ADGRA1: variants seen among roughly 807,000 people sequenced by gnomAD.
ADGRA1 encodes G-protein coupled receptor 123.
ADGRA1 carries 12 observed loss-of-function variants against 21.3 expected under a neutral mutation model. That is an observed-to-expected ratio of 0.56 (90% CI 0.36 to 0.91). ADGRA1 has a LOEUF of 0.91. Among genes scored for constraint, ADGRA1 ranks in the 40% least tolerant of loss-of-function variants. The pLI is 0.01. For missense variants in ADGRA1, 790 were observed against 805.6 expected (o/e 0.98, Z 0.23); for synonymous variants, 385 against 368.8 (o/e 1.04, Z -0.50).
chr10:133,112,480 G>A (rs12359914), intron 5 of ADGRA1, among the ~76,000 whole-genome samples: 63,301 of 131,628 alleles, frequency 0.48, 14,264 homozygotes, highest in East Asian at 0.62. Flanking sequence ...TCTGCGGGCC[G>A]CGTCGGTTAT....
chr10:133,096,858 G>A (rs1395671821), intron 2 of ADGRA1, 116 bp from the exon 3 acceptor site: 9 of 1,315,930 alleles, frequency 6.8e-6, no homozygotes, highest in East Asian at 2.4e-5. Context: ...GACCCCACAC[G>A]AAAATGCCTG....
intron 4 of ADGRA1, among the ~76,000 whole-genome samples, chr10:133,101,184 G>A (rs374040559): frequency 4.3e-4 from 66 of 152,336 alleles, no homozygotes; most frequent in African/African-American, 1.5e-3. Flanking sequence ...TGGGCCAGTG[G>A]TGGCTGATCC....
chr10:133,094,029 C>T (rs1396798911), intron 2 of ADGRA1, among the ~76,000 whole-genome samples: 2 of 152,280 alleles, frequency 1.3e-5, no homozygotes, highest in African/African-American at 2.4e-5. Context: ...TGTTGACACA[C>T]GGATCATTGC....
At chr10:133,120,297 CG>C (rs772265132) in intron 5 of ADGRA1, among the ~76,000 whole-genome samples, 2 of 152,066 alleles carry the variant, frequency 1.3e-5, no homozygotes, top group Non-Finnish European at 2.9e-5. Context: ...CCCAGCTGCT[CG>C]GGAGGCTGAG....
In ADGRA1 at chr10:133,125,578, C is replaced by A. The variant is rs578225408; in HGVS notation, c.402-1655C>A. On this transcript the variant is annotated intron_variant, in intron 5 of 6. Transcript: ENST00000392607. ...AGCTGGGACTACAGGCGCCCGCCACCACGCCCGGCTAATTTTTTTTTTTGT... is the reference window on the plus strand; with the variant it reads ...AGCTGGGACTACAGGCGCCCGCCACAACGCCCGGCTAATTTTTTTTTTTGT... Among the ~76,000 whole-genome samples, 106 of 152,038 alleles carry A rather than the reference C, an allele frequency of 7.0e-4. 1 individual carries two copies. The highest frequency in any genetic ancestry group is 6.6e-4 in the Non-Finnish European group (45 of 67,994).
intron 2 of ADGRA1, among the ~76,000 whole-genome samples, chr10:133,090,404 G>A (rs1381739829): frequency 2.0e-5 from 3 of 152,236 alleles, no homozygotes; most frequent in Admixed American, 1.3e-4. Flanking sequence ...AGCTCGATCT[G>A]CCTGGAGAGT....
At chr10:133,111,952 C>CTG in intron 5 of ADGRA1, among the ~76,000 whole-genome samples, 1 of 61,778 alleles carries the variant, frequency 1.6e-5, no homozygotes, top group Admixed American at 1.6e-4. Flanking sequence ...CCTCCTAATC[C>CTG]CTCCAGACCA....
intron 3 of ADGRA1, among the ~76,000 whole-genome samples, chr10:133,098,115 C>G (rs28483108): frequency 0.18 from 27,791 of 152,172 alleles, 2,581 homozygotes; most frequent in Middle Eastern, 0.22. Flanking sequence ...CCTGTGCTGG[C>G]CACAGCCTGG....
rs1852438890 is a variant in ADGRA1, at chr10:133,128,755, G to A, written c.927G>A (p.Lys309=). ...TCGTGCTCATCCACCACTGCGCCAA[G>A]CGTGAGGACGTGTGGCAGTGCTGGT... The part of the protein sequence containing the change: ...GLFVLIHHCA[K]REDVWQCWWA... Residue 309 remains lysine (K), a synonymous_variant, in exon 7 of 7, where the codon AAG becomes AAA. Coordinates refer to ENST00000392607, the MANE Select transcript of ADGRA1 (RefSeq NM_001083909.3). The A allele has an allele frequency of 1.2e-6, 2 of 1,611,926 alleles. No homozygotes were observed. The highest frequency in any genetic ancestry group is 2.7e-5 in the African/African-American group (2 of 75,032).
chr10:133,128,578 C>T lies in ADGRA1; in HGVS notation c.750C>T (p.His250=), dbSNP rs1248670734. The part of the protein sequence containing the change: ...APGASVLQNE[H]SFQAQLRAAA... The stretch of plus-strand genomic sequence containing the variant: ...GCGCCTCCGTGCTGCAGAACGAGCA[C>T]TCATTCCAGGCACAGCTGCGCGCCG... The change falls in exon 7 of 7, where the codon CAC becomes CAT. Residue 250 remains histidine, a synonymous_variant. Coordinates refer to ENST00000392607, the MANE Select transcript of ADGRA1 (RefSeq NM_001083909.3). The T allele has an allele frequency of 5.1e-6, 8 of 1,583,618 alleles. No homozygotes were observed. The highest frequency in any genetic ancestry group is 6.0e-6 in the Non-Finnish European group (7 of 1,166,964).
chr10:133,104,045 C>T lies in ADGRA1; in HGVS notation c.401+1203C>T, dbSNP rs368342307. The stretch of plus-strand genomic sequence containing the variant: ...GGAGACGTGACCCGGTGCTGGCGCA[C>T]GGACACCTGCTTCCTCGGAAGGGCT... On this transcript the variant is annotated intron_variant, in intron 5 of 6. Coordinates refer to ENST00000392607, the MANE Select transcript of ADGRA1 (RefSeq NM_001083909.3). Among the ~76,000 whole-genome samples, 1,157 of 152,332 alleles carry T rather than the reference C, an allele frequency of 7.6e-3. 14 individuals carry two copies. Among genetic ancestry groups the T allele is most frequent in the Middle Eastern group, 0.027 (8 of 294 alleles).
intron 1 of ADGRA1, 186 bp from the exon 2 acceptor site, chr10:133,088,522 T>G: frequency 8.2e-6 from 2 of 243,870 alleles, no homozygotes. Flanking sequence ...CGCTGGCGCG[T>G]TCGGTCCGAG....
intron 4 of ADGRA1, chr10:133,102,106 C>T: frequency 2.4e-6 from 1 of 414,866 alleles, no homozygotes; most frequent in South Asian, 1.7e-5. Flanking sequence ...TAAGCAAACG[C>T]AGGAAGTTTC....
At chr10:133,121,792 AGTGTGT>A (rs370825058) in intron 5 of ADGRA1, among the ~76,000 whole-genome samples, 1 of 133,418 alleles carries the variant, frequency 7.5e-6, no homozygotes. Flanking sequence ...GTCGTGTGCC[AGTGTGT>A]GTGTGAGTGT....
chr10:133,116,558 GC>G (rs35153382), intron 5 of ADGRA1, among the ~76,000 whole-genome samples: 29,285 of 151,034 alleles, frequency 0.19, 2,929 homozygotes, highest in Non-Finnish European at 0.22. Context: ...CCCACCAGCT[GC>G]CCCCCAGCAC....
intron 5 of ADGRA1, among the ~76,000 whole-genome samples, chr10:133,105,820 C>G (rs1056230605): frequency 1.3e-5 from 2 of 152,210 alleles, no homozygotes; most frequent in Non-Finnish European, 2.9e-5. Flanking sequence ...GGCCCAGCAG[C>G]GAGAAGCCAG....
At chr10:133,101,720 G>T (rs1249132065) in intron 4 of ADGRA1, among the ~76,000 whole-genome samples, 1 of 152,204 alleles carries the variant, frequency 6.6e-6, no homozygotes, top group Non-Finnish European at 1.5e-5. Flanking sequence ...CCACCAGGCT[G>T]CATGAGGCCT....
At chr10:133,123,108 G>C (rs1053550028) in intron 5 of ADGRA1, among the ~76,000 whole-genome samples, 1 of 152,346 alleles carries the variant, frequency 6.6e-6, no homozygotes, top group African/African-American at 2.4e-5. Context: ...CAGGTGGTCT[G>C]CAGGCTCGTC....
chr10:133,128,694 G>T lies in ADGRA1; in HGVS notation c.866G>T (p.Cys289Phe). The change falls in exon 7 of 7, where the codon TGC becomes TTC. Residue 289 changes from cysteine (C) to phenylalanine (F), a missense_variant. Physicochemically the swap from Cys to Phe is radical, Grantham distance 205 (BLOSUM62 -2). Transcript: ENST00000392607. ...CACTTCCTGGACATGGTCTTCAGCT[G>T]CCTGTACGGCGCCTTCTGCGTGACC... Reference protein sequence around the residue: ...QGHFLDMVFSCLYGAFCVTLG... With the variant: ...QGHFLDMVFSFLYGAFCVTLG... 6.2e-7 allele frequency: 1 copy of T among 1,611,948 alleles called. No homozygotes were observed. Among genetic ancestry groups the T allele is most frequent in the South Asian group, 1.1e-5 (1 of 91,066 alleles).
Sources: allele counts gnomAD v4.1 joint callset (sites outside exome capture counted in the v4.1 genomes callset), GRCh38; gene constraint gnomAD v4.1.1; transcripts MANE v1.5; gene names NCBI Gene and HGNC (gene_info 2026-07-23, HGNC 2026-07-21).